The following MRPS28 variants were observed in gnomAD, a reference collection of about 807,000 sequenced individuals.
MRPS28 encodes the protein small ribosomal subunit protein bS1m.
Under a neutral mutation model 10.8 loss-of-function variants are expected in MRPS28, and 7 were observed. That is an observed-to-expected ratio of 0.65 (90% CI 0.37 to 1.22). The LOEUF is 1.22. MRPS28 is among the 50% of genes most tolerant of loss of function. The probability of loss-of-function intolerance (pLI) is 0.02; values close to 1 mark genes in which losing one functional copy is unlikely to be tolerated. For missense variants in MRPS28, 265 were observed against 232.9 expected (o/e 1.14, Z -0.90); for synonymous variants, 121 against 93.3 (o/e 1.30, Z -1.71).
At chr8:80,019,511 T>C (rs189217913) in intron 1 of MRPS28, among the ~76,000 whole-genome samples, 68 of 151,578 alleles carry the variant, frequency 4.5e-4, no homozygotes, top group Middle Eastern at 3.4e-3. Context: ...AAAGAATATC[T>C]ACAAAAAACC....
chr8:79,993,685 G>C (rs1586083433), intron 2 of MRPS28, among the ~76,000 whole-genome samples: 2 of 152,136 alleles, frequency 1.3e-5, no homozygotes, highest in African/African-American at 4.8e-5. Context: ...AGAAAAACTA[G>C]TAGAATGATT....
intron 1 of MRPS28, among the ~76,000 whole-genome samples, chr8:80,011,073 C>A (rs1809028790): frequency 6.6e-6 from 1 of 152,120 alleles, no homozygotes; most frequent in African/African-American, 2.4e-5. Context: ...AGCTGACTTG[C>A]CCTTTAGAGG....
chr8:79,974,992 CAAAT>C (rs1554571962), intron 2 of MRPS28, among the ~76,000 whole-genome samples: 1 of 152,020 alleles, frequency 6.6e-6, no homozygotes, highest in Non-Finnish European at 1.5e-5. Context: ...CAAGTAATTT[CAAAT>C]AAATAAGGCT....
chr8:79,994,211 G>C (rs1301387677), intron 2 of MRPS28, among the ~76,000 whole-genome samples: 8 of 152,132 alleles, frequency 5.3e-5, no homozygotes, highest in African/African-American at 1.9e-4. Flanking sequence ...AAGATTTGGA[G>C]AATTTGGCTC....
intron 2 of MRPS28, among the ~76,000 whole-genome samples, chr8:79,979,815 T>C (rs1446581156): frequency 2.8e-5 from 4 of 142,300 alleles, no homozygotes; most frequent in African/African-American, 1.0e-4. Context: ...GTACCATGCA[T>C]GACTCAAGAA....
At chr8:80,003,455 C>T (rs755377016) in intron 1 of MRPS28, among the ~76,000 whole-genome samples, 3 of 152,102 alleles carry the variant, frequency 2.0e-5, no homozygotes, top group Non-Finnish European at 2.9e-5. Flanking sequence ...CACCTGAAGT[C>T]GGGAGTTCTA....
intron 2 of MRPS28, chr8:79,956,807 C>T (rs1807227755): frequency 6.6e-6 from 1 of 152,168 alleles, no homozygotes; most frequent in African/African-American, 2.4e-5. Context: ...CCACAAAAGA[C>T]AATCTCATTC....
intron 2 of MRPS28, among the ~76,000 whole-genome samples, chr8:79,976,558 T>C (rs1056520713): frequency 1.3e-5 from 2 of 151,856 alleles, no homozygotes; most frequent in African/African-American, 4.8e-5. Flanking sequence ...TACAAAAAAT[T>C]AGCTGGGCAT....
chr8:79,998,065 A>AAAAG (rs898196299), intron 2 of MRPS28, among the ~76,000 whole-genome samples: 61 of 151,750 alleles, frequency 4.0e-4, no homozygotes, highest in African/African-American at 1.3e-3. Context: ...AAAAAAAAAA[A>AAAAG]AAAGAAAGAA....
chr8:79,928,084 G>A (rs1806347245), intron 2 of MRPS28, among the ~76,000 whole-genome samples: 1 of 152,140 alleles, frequency 6.6e-6, no homozygotes, highest in Non-Finnish European at 1.5e-5. Context: ...AGCACTTTGG[G>A]AGGCTGAGGC....
chr8:79,938,034 C>T (rs181197253), intron 2 of MRPS28, among the ~76,000 whole-genome samples: 17 of 152,124 alleles, frequency 1.1e-4, no homozygotes, highest in Non-Finnish European at 1.9e-4. Context: ...TGTGTGTGCT[C>T]GCTGGTCTAC....
At position 80,004,091 on chromosome 8, in the gene MRPS28, A is replaced by G. The variant is rs551245328; in HGVS notation, c.214-911T>C. On this transcript the variant is annotated intron_variant, in intron 1 of 2. Coordinates refer to ENST00000276585, the MANE Select transcript of MRPS28 (RefSeq NM_014018.3). Reference sequence around the variant, plus strand: ...CATAGCCGAACAAAAGGCAGGAAAAACCTCTGTAGACGTAAATGTCCCTGT... The same window carrying G: ...CATAGCCGAACAAAAGGCAGGAAAAGCCTCTGTAGACGTAAATGTCCCTGT... Among the ~76,000 whole-genome samples, 83 of 151,840 alleles carry G rather than the reference A, an allele frequency of 5.5e-4. 1 individual carries two copies. Among genetic ancestry groups the G allele is most frequent in the African/African-American group, 1.9e-3 (80 of 41,398 alleles).
chr8:79,922,222 A>G lies in MRPS28; in HGVS notation c.396-3074T>C, dbSNP rs564860378. The stretch of plus-strand genomic sequence containing the variant: ...AATGCCAGTTGGATGAACCTGGAGG[A>G]CTTTATAAACCAGGCACAGCATGAC... On this transcript the variant is annotated intron_variant, in intron 2 of 2. Coordinates refer to ENST00000276585, the MANE Select transcript of MRPS28 (RefSeq NM_014018.3). Among the ~76,000 whole-genome samples the G allele has an allele frequency of 2.0e-5, 3 of 152,244 alleles. No homozygotes were observed. In the South Asian group the frequency reaches 6.2e-4, roughly 32 times the overall value.
chr8:79,956,540 T>C (rs1247234171), intron 2 of MRPS28: 1 of 152,166 alleles, frequency 6.6e-6, no homozygotes, highest in Non-Finnish European at 1.5e-5. Flanking sequence ...TAGGTAAACA[T>C]ATGTCACCAA....
intron 2 of MRPS28, among the ~76,000 whole-genome samples, chr8:79,994,254 G>A (rs1274834653): frequency 6.6e-6 from 1 of 152,096 alleles, no homozygotes; most frequent in Non-Finnish European, 1.5e-5. Flanking sequence ...TTTAACCACA[G>A]GGATTTTATA....
intron 2 of MRPS28, among the ~76,000 whole-genome samples, chr8:79,979,889 A>G (rs1807905628): frequency 8.0e-6 from 1 of 124,356 alleles, no homozygotes; most frequent in South Asian, 3.0e-4. Context: ...CAACCCCAGT[A>G]GCCACTAACA....
At chr8:80,029,408 T>A (rs1412399562) in intron 1 of MRPS28, among the ~76,000 whole-genome samples, 1 of 152,206 alleles carries the variant, frequency 6.6e-6, no homozygotes, top group Non-Finnish European at 1.5e-5. Context: ...AGGCTTGTAA[T>A]TTTATTTCTT....
intron 2 of MRPS28, among the ~76,000 whole-genome samples, chr8:79,934,220 C>T (rs566391658): frequency 2.0e-5 from 3 of 152,192 alleles, no homozygotes; most frequent in Admixed American, 2.0e-4. Flanking sequence ...AATTTTTCTG[C>T]GTCTTACTTT....
At position 80,013,452 on chromosome 8, in the gene MRPS28, T is replaced by A. The variant is rs535480586; in HGVS notation, c.214-10272A>T. On this transcript the variant is annotated intron_variant, in intron 1 of 2. Transcript: ENST00000276585. ...GAATTCGAGAACAGCCTGACCAACATGGGGAAACCCTGTCTCTACTAAAAA... is the reference window on the plus strand; with the variant it reads ...GAATTCGAGAACAGCCTGACCAACAAGGGGAAACCCTGTCTCTACTAAAAA... 4.0e-5 allele frequency among the ~76,000 whole-genome samples: 6 copies of A among 151,748 alleles called. No homozygotes were observed. In the East Asian group the frequency reaches 1.2e-3, roughly 29 times the overall value.
Sources: allele counts gnomAD v4.1 joint callset (sites outside exome capture counted in the v4.1 genomes callset), GRCh38; gene constraint gnomAD v4.1.1; transcripts MANE v1.5; gene names NCBI Gene and HGNC (gene_info 2026-07-23, HGNC 2026-07-21).